ARHGAP10: variants seen among roughly 807,000 people sequenced by gnomAD.
ARHGAP10 encodes rho GTPase-activating protein 10.
In ARHGAP10, 87 loss-of-function variants were observed where a neutral mutation model predicts 108.6. The ratio of observed to expected loss-of-function variants is 0.80; its 90% confidence interval spans 0.67 to 0.96. The LOEUF (loss-of-function observed/expected upper bound fraction) is 0.96, where lower values mean the gene tolerates loss of function less well. ARHGAP10 is among the 40% of genes least tolerant of loss of function. The pLI is 0.00. For missense variants in ARHGAP10, 939 were observed against 954.5 expected (o/e 0.98, Z 0.21); for synonymous variants, 347 against 341.1 (o/e 1.02, Z -0.19).
intron 3 of ARHGAP10, among the ~76,000 whole-genome samples, chr4:147,825,618 T>C (rs1732676823): frequency 6.6e-6 from 1 of 152,180 alleles, no homozygotes; most frequent in African/African-American, 2.4e-5. Flanking sequence ...ATACAGTCAT[T>C]ATTCATGTGA....
chr4:147,964,211 C>T (rs888006594), intron 16 of ARHGAP10, among the ~76,000 whole-genome samples: 2 of 152,198 alleles, frequency 1.3e-5, no homozygotes, highest in Admixed American at 6.5e-5. Flanking sequence ...ACAGGCTGTA[C>T]TCTCCTGCCC....
intron 13 of ARHGAP10, among the ~76,000 whole-genome samples, chr4:147,926,383 G>A (rs761638548): frequency 1.3e-5 from 2 of 152,104 alleles, no homozygotes; most frequent in African/African-American, 4.8e-5. Flanking sequence ...GAGAGACTTC[G>A]CAGACAAACA....
chr4:147,790,387 A>G (rs1731070372), intron 1 of ARHGAP10, among the ~76,000 whole-genome samples: 1 of 152,228 alleles, frequency 6.6e-6, no homozygotes, highest in Non-Finnish European at 1.5e-5. Flanking sequence ...TTCAGTTCGT[A>G]ACACCTAGTA....
chr4:147,952,033 G>A (rs1412717974), intron 15 of ARHGAP10, among the ~76,000 whole-genome samples: 2 of 152,112 alleles, frequency 1.3e-5, no homozygotes, highest in Non-Finnish European at 2.9e-5. Context: ...TATACTTGAA[G>A]TCTGTATTAT....
intron 18 of ARHGAP10, among the ~76,000 whole-genome samples, chr4:147,985,329 A>G (rs1411706112): frequency 6.6e-6 from 1 of 152,096 alleles, no homozygotes; most frequent in East Asian, 1.9e-4. Context: ...GGTGCTCTGA[A>G]TGCATGGAAA....
chr4:148,016,769 C>T (rs951349662), intron 18 of ARHGAP10, among the ~76,000 whole-genome samples: 5 of 152,050 alleles, frequency 3.3e-5, no homozygotes, highest in African/African-American at 4.8e-5. Flanking sequence ...GTCGCAGGTC[C>T]GGGCCTCCAG....
chr4:147,858,244 G>A (rs955549669), intron 5 of ARHGAP10: 1 of 151,978 alleles, frequency 6.6e-6, no homozygotes. Context: ...TCACACACTT[G>A]GATGGAAACT....
chr4:148,008,076 G>T (rs892817987), intron 18 of ARHGAP10, among the ~76,000 whole-genome samples: 1 of 152,146 alleles, frequency 6.6e-6, no homozygotes, highest in African/African-American at 2.4e-5. Context: ...GCCTGTGGTG[G>T]CCTCATCCTA....
intron 20 of ARHGAP10, 143 bp from the exon 21 acceptor site, chr4:148,063,005 C>G (rs756173166): frequency 3.9e-6 from 4 of 1,016,166 alleles, no homozygotes; most frequent in Admixed American, 2.6e-5. Flanking sequence ...GCAGCCCCGG[C>G]AGGATGCAGA....
chr4:147,999,553 G>GT (rs1259280747), intron 18 of ARHGAP10, among the ~76,000 whole-genome samples: 1 of 152,224 alleles, frequency 6.6e-6, no homozygotes, highest in African/African-American at 2.4e-5. Flanking sequence ...CTCTGGATCA[G>GT]GTTAAAGGCT....
chr4:148,017,652 C>CTATATATATA (rs35472561), intron 18 of ARHGAP10, among the ~76,000 whole-genome samples: 1,073 of 105,152 alleles, frequency 0.01, 13 homozygotes, highest in African/African-American at 0.026. Flanking sequence ...GAGCCAGTAA[C>CTATATATATA]TATATATATA....
At chr4:147,912,792 C>T (rs919198065) in intron 12 of ARHGAP10, among the ~76,000 whole-genome samples, 3 of 150,516 alleles carry the variant, frequency 2.0e-5, no homozygotes, top group African/African-American at 7.3e-5. Flanking sequence ...ACTACAGGCA[C>T]CCATCATTAA....
chr4:148,003,991 G>A (rs1003045746), intron 18 of ARHGAP10, among the ~76,000 whole-genome samples: 11 of 152,224 alleles, frequency 7.2e-5, no homozygotes, highest in East Asian at 1.9e-4. Flanking sequence ...GAGGAACTAC[G>A]TGGTTTTCTG....
chr4:147,811,244 C>T (rs1021043391), intron 1 of ARHGAP10, among the ~76,000 whole-genome samples: 4 of 152,268 alleles, frequency 2.6e-5, no homozygotes, highest in African/African-American at 9.6e-5. Context: ...CCAGTGTCCT[C>T]TTGTGAGAAT....
intron 1 of ARHGAP10, among the ~76,000 whole-genome samples, chr4:147,803,048 G>T: frequency 6.6e-6 from 1 of 150,780 alleles, no homozygotes; most frequent in African/African-American, 2.4e-5. Context: ...TTGCTCTGTT[G>T]CCCAGGCTGG....
chr4:147,884,715 T>G (rs1735470800), intron 10 of ARHGAP10, among the ~76,000 whole-genome samples: 1 of 151,846 alleles, frequency 6.6e-6, no homozygotes, highest in African/African-American at 2.4e-5. Flanking sequence ...CCAGGTAGAG[T>G]GAGTGTCACA....
At chr4:148,017,535 A>G (rs1174597873) in intron 18 of ARHGAP10, among the ~76,000 whole-genome samples, 1 of 151,670 alleles carries the variant, frequency 6.6e-6, no homozygotes, top group South Asian at 2.1e-4. Context: ...TCTTTAATGC[A>G]GGGGAAGATA....
At chr4:147,906,823 T>C in intron 11 of ARHGAP10, 104 bp downstream of exon 11, 1 of 1,325,482 alleles carries the variant, frequency 7.5e-7, no homozygotes, top group African/African-American at 1.4e-5. Flanking sequence ...TTCCCTTCTA[T>C]AACAGGTATT....
intron 15 of ARHGAP10, among the ~76,000 whole-genome samples, chr4:147,949,849 C>G (rs374320622): frequency 7.0e-6 from 1 of 142,902 alleles, no homozygotes; most frequent in African/African-American, 2.5e-5. Flanking sequence ...ATTCTTTTTT[C>G]CTCCATTCCG....
Sources: allele counts gnomAD v4.1 joint callset (sites outside exome capture counted in the v4.1 genomes callset), GRCh38; gene constraint gnomAD v4.1.1; transcripts MANE v1.5; gene names NCBI Gene and HGNC (gene_info 2026-07-23, HGNC 2026-07-21).